The following FGFR4 variants were observed in gnomAD, a reference collection of about 807,000 sequenced individuals.
The protein encoded by FGFR4 is fibroblast growth factor receptor 4.
A neutral mutation model predicts 89.9 loss-of-function variants in FGFR4; 63 were observed. The ratio of observed to expected loss-of-function variants is 0.70; its 90% confidence interval spans 0.57 to 0.86. The LOEUF (loss-of-function observed/expected upper bound fraction) is 0.86, where lower values mean the gene tolerates loss of function less well. Among genes scored for constraint, FGFR4 ranks in the 40% least tolerant of loss-of-function variants. The pLI is 0.00. For missense variants in FGFR4, 928 were observed against 1,106.7 expected, an observed-to-expected ratio of 0.84 and a Z score of 2.29; for synonymous variants, 486 against 479.4, an observed-to-expected ratio of 1.01 and a Z score of -0.18.
chr5:177,091,000 A>G lies in FGFR4; in HGVS notation c.499A>G (p.Thr167Ala), dbSNP rs2149731923. The change falls in exon 5 of 18, where the codon ACC (threonine) becomes GCC (alanine). Residue 167 changes from threonine to alanine, a missense_variant. Transcript: ENST00000292408. The stretch of plus-strand genomic sequence containing the variant: ...ACTGCATGCAGTACCTGCGGGGAAC[A>G]CCGTCAAGTTCCGCTGTCCAGCTGC... The part of the protein sequence containing the change: ...KKLHAVPAGN[T>A]VKFRCPAAGN... 1 of 1,613,884 alleles carries G rather than the reference A, an allele frequency of 6.2e-7. No homozygotes were observed. The highest frequency in any genetic ancestry group is 8.5e-7 in the Non-Finnish European group (1 of 1,179,782).
chr5:177,097,754 C>T lies in FGFR4; in HGVS notation c.*78C>T, dbSNP rs567282518. Reference sequence around the variant, plus strand: ...CTCAGCCACAGCCTGACACAGTGCTCGACCTTGATAGCATGGGGCCCCTGG... The same window carrying T: ...CTCAGCCACAGCCTGACACAGTGCTTGACCTTGATAGCATGGGGCCCCTGG... On this transcript the variant is annotated 3_prime_UTR_variant, in exon 18 of 18. Coordinates refer to ENST00000292408, the MANE Select transcript of FGFR4 (RefSeq NM_213647.3). The T allele has an allele frequency of 3.0e-4, 455 of 1,533,496 alleles. 5 individuals are homozygous for T. The South Asian group carries it at 4.4e-3, about 15-fold the overall frequency. 95.0% of individuals were successfully genotyped at this position (1,533,496 alleles called of 1,614,324 possible). A position where few individuals can be genotyped will look rare whatever the true frequency, so the allele number is the denominator to read the frequency against.
intron 2 of FGFR4, 102 bp from the exon 3 acceptor site, chr5:177,090,288 T>C: frequency 6.4e-7 from 1 of 1,553,202 alleles, no homozygotes; most frequent in Non-Finnish European, 8.8e-7. Context: ...CAGCATGCGT[T>C]GCAAAGTGCT....
In FGFR4 at chr5:177,097,937, T is replaced by A. The variant is rs1171467446; in HGVS notation, c.*261T>A. 2.4e-6 allele frequency: 1 copy of A among 412,694 alleles called. No individual in the cohort carries two copies. The highest frequency in any genetic ancestry group is 3.6e-5 in the East Asian group (1 of 27,496). 25.6% of individuals were successfully genotyped at this position (412,694 alleles called of 1,614,324 possible). ...TGGCTGAGCCTGGCTGGAGAGCTGC[T>A]ATGCTAAACCTCCTGCCTCCCAATA... On this transcript the variant is annotated 3_prime_UTR_variant, in exon 18 of 18. Transcript: ENST00000292408.
chr5:177,089,489 A>G (rs1784273003), intron 1 of FGFR4, 61 bp from the exon 2 acceptor site: 1 of 1,461,854 alleles, frequency 6.8e-7, no homozygotes, highest in Non-Finnish European at 9.1e-7. Flanking sequence ...TCTGCAAAAT[A>G]AGGGAAAAGC....
rs764256744 is a variant in FGFR4 at position 177,092,312 on chromosome 5, G to C, written c.728-9G>C. 1.6e-5 allele frequency: 25 copies of C among 1,550,486 alleles called. No homozygotes were observed. The highest frequency in any genetic ancestry group is 2.1e-5 in the Non-Finnish European group (24 of 1,144,206). On this transcript the variant is annotated splice_polypyrimidine_tract_variant and intron_variant, in intron 6 of 17. Transcript: ENST00000292408. ...GTGGTCAGGGTTGACTGTCTCGCCC[G>C]GTCCCCAGAGCGGTCCCCGCACCGG...
chr5:177,095,307 C>T lies in FGFR4; in HGVS notation c.1520-23C>T. 1 of 1,594,100 alleles carries T rather than the reference C, an allele frequency of 6.3e-7. No homozygotes were observed. Among genetic ancestry groups the T allele is most frequent in the Non-Finnish European group, 8.6e-7 (1 of 1,161,912 alleles). ...TCGTGCAGTTGGAGGGCAGCCTCTT[C>T]ACCCCGTCTGCTGCCCTTACAGACA... is the stretch of plus-strand genomic sequence containing the variant. On this transcript the variant is annotated intron_variant, in intron 11 of 17. Coordinates refer to ENST00000292408, the MANE Select transcript of FGFR4 (RefSeq NM_213647.3). This position sits in a 1 kb window ranked among gnomAD's most constrained non-coding sequence, Gnocchi z 5.7.
At chr5:177,096,487 C>T in intron 15 of FGFR4, 117 bp from the exon 16 acceptor site, 1 of 1,530,262 alleles carries the variant, frequency 6.5e-7, no homozygotes. Flanking sequence ...TGGGCCCAGA[C>T]TCCAGGAGGA....
intron 5 of FGFR4, 116 bp downstream of exon 5, chr5:177,091,220 C>T: frequency 7.6e-7 from 1 of 1,313,312 alleles, no homozygotes; most frequent in Non-Finnish European, 1.0e-6. Flanking sequence ...TTGCGGGGCC[C>T]CGGAAGGAGC....
At position 177,091,057 on chromosome 5, in the gene FGFR4, A is replaced by G; in HGVS notation, c.556A>G (p.Lys186Glu). 6.2e-7 allele frequency: 1 copy of G among 1,602,614 alleles called. No individual in the cohort carries two copies. Among genetic ancestry groups the G allele is most frequent in the East Asian group, 2.2e-5 (1 of 44,464 alleles). The change falls in exon 5 of 18, where the codon AAG becomes GAG. Residue 186 changes from lysine (K) to glutamate (E), a missense_variant. This residue lies in a region of FGFR4 where 741 missense variants were observed against 836.9 expected (regional missense o/e 0.89). Transcript: ENST00000292408. ...CCCCACGCCCACCATCCGCTGGCTT[A>G]AGGATGGACAGGCCTTTCATGGGGA... The part of the protein sequence containing the change: ...GNPTPTIRWL[K>E]DGQAFHGENR...
Position 177,093,261 on chromosome 5 carries a change from C to T in FGFR4, c.1181C>T (p.Ala394Val), listed in dbSNP as rs746496176. 4.3e-6 allele frequency: 7 copies of T among 1,612,734 alleles called. No individual in the cohort carries two copies. Among genetic ancestry groups the T allele is most frequent in the East Asian group, 4.5e-5 (2 of 44,854 alleles). The change falls in exon 9 of 18, where the codon GCG (alanine) becomes GTG (valine). Residue 394 changes from alanine to valine, a missense_variant. Ala to Val is a moderately conservative substitution (Grantham distance 64, BLOSUM62 0). This residue lies in a region of FGFR4 where 741 missense variants were observed against 836.9 expected (regional missense o/e 0.89). Transcript: ENST00000292408. This position sits in a 1 kb window ranked among gnomAD's most constrained non-coding sequence, Gnocchi z 5.8. Reference sequence around the variant, plus strand: ...CTGGCCGGGCTGTATCGAGGGCAGGCGCTCCACGGCCGGCACCCCCGCCCG... The same window carrying T: ...CTGGCCGGGCTGTATCGAGGGCAGGTGCTCCACGGCCGGCACCCCCGCCCG... Reference protein sequence around the residue: ...LLLAGLYRGQALHGRHPRPPA... With the variant: ...LLLAGLYRGQVLHGRHPRPPA...
rs556361041 is a variant in FGFR4, at chr5:177,092,236, G to A, written c.728-85G>A. On this transcript the variant is annotated intron_variant, in intron 6 of 17. Transcript: ENST00000292408. ...GAAGCTGCAGAAAGGTCCCTCCCTT[G>A]AACTTGAGGAAGGCTGGAGGGAGGC... is the stretch of plus-strand genomic sequence containing the variant. 133 of 1,379,746 alleles carry A rather than the reference G, an allele frequency of 9.6e-5. 1 individual carries two copies. The South Asian group carries it at 1.9e-3, about 19-fold the overall frequency. 85.5% of individuals were successfully genotyped at this position (1,379,746 alleles called of 1,614,324 possible).
intron 1 of FGFR4, among the ~76,000 whole-genome samples, chr5:177,088,001 G>A (rs1005334273): frequency 1.8e-4 from 27 of 152,264 alleles, no homozygotes; most frequent in African/African-American, 6.5e-4. Flanking sequence ...TGGGGGGCAT[G>A]ACATGGCAGA....
rs145751771 is a variant in FGFR4, at chr5:177,093,454, C to G, written c.1300C>G (p.Arg434Gly). 1.6e-4 allele frequency: 254 copies of G among 1,613,968 alleles called. No homozygotes were observed. The highest frequency in any genetic ancestry group is 2.0e-4 in the Non-Finnish European group (236 of 1,180,016). The change falls in exon 10 of 18, where the codon CGA becomes GGA. Residue 434 changes from arginine (R) to glycine (G), a missense_variant. By Grantham distance (125) the Arg-to-Gly change is moderately radical. Coordinates refer to ENST00000292408, the MANE Select transcript of FGFR4 (RefSeq NM_213647.3). This position sits in a 1 kb window ranked among gnomAD's most constrained non-coding sequence, Gnocchi z 5.8. ...SSGKSSSSLVRGVRLSSSGPA... is the reference protein window; with the variant it reads ...SSGKSSSSLVGGVRLSSSGPA... ...CGGCAAGTCAAGCTCATCCCTGGTA[C>G]GAGGCGTGCGTCTCTCCTCCAGCGG...
chr5:177,091,896 T>C, intron 6 of FGFR4, 88 bp downstream of exon 6: 3 of 1,541,402 alleles, frequency 1.9e-6, no homozygotes, highest in South Asian at 2.4e-5. Context: ...GCAGGCAGGA[T>C]GGACTCAGAT....
At chr5:177,094,606 G>A (rs1332045923) in intron 11 of FGFR4, among the ~76,000 whole-genome samples, 2 of 151,748 alleles carry the variant, frequency 1.3e-5, no homozygotes, top group Non-Finnish European at 2.9e-5. Context: ...GCCCCGGGGT[G>A]CTCTTGCTGG....
chr5:177,096,045 C>T lies in FGFR4; in HGVS notation c.1822-12C>T, dbSNP rs200449539. ...AGGTGTCCTGAGGCACCCAAGCCCC[C>T]GCTCCCTGCAGTGTATCCACCGGGA... On this transcript the variant is annotated splice_polypyrimidine_tract_variant and intron_variant, in intron 13 of 17. Transcript: ENST00000292408. 104 of 1,611,582 alleles carry T rather than the reference C, an allele frequency of 6.5e-5. 1 individual carries two copies. Among genetic ancestry groups the T allele is most frequent in the East Asian group, 3.3e-4 (15 of 44,856 alleles).
At chr5:177,096,553 C>G (rs777555449) in intron 15 of FGFR4, 51 bp from the exon 16 acceptor site, 2 of 1,604,662 alleles carry the variant, frequency 1.2e-6, no homozygotes, top group East Asian at 4.5e-5. Flanking sequence ...CGTCCTAGCC[C>G]CGGTCGTCGG....
rs1431085270 is a variant in FGFR4, at chr5:177,095,807, C to G, written c.1821+84C>G. 7.2e-7 allele frequency: 1 copy of G among 1,384,404 alleles called. No individual in the cohort carries two copies. The highest frequency in any genetic ancestry group is 9.6e-7 in the Non-Finnish European group (1 of 1,036,312). The allele number at this position is 1,384,404 out of a possible 1,614,324, so 85.8% of individuals were successfully genotyped here. ...TGGCATTCAATGTCCCGACTTCTCC[C>G]TCTCTGCTCTTTTTCATGACCCCAC... is the stretch of plus-strand genomic sequence containing the variant. On this transcript the variant is annotated intron_variant, in intron 13 of 17. Transcript: ENST00000292408. This position sits in a 1 kb window ranked among gnomAD's most constrained non-coding sequence, Gnocchi z 5.7.
Position 177,097,403 on chromosome 5 carries a change from G to T in FGFR4, c.2259+6G>T. Reference sequence around the variant, plus strand: ...TGCTGGCCGTCTCTGAGGAGGTACAGCCCCTCCCACCCACCACCTCCCTCT... The same window carrying T: ...TGCTGGCCGTCTCTGAGGAGGTACATCCCCTCCCACCCACCACCTCCCTCT... On this transcript the variant is annotated splice_donor_region_variant and intron_variant, in intron 17 of 17. Coordinates refer to ENST00000292408, the MANE Select transcript of FGFR4 (RefSeq NM_213647.3). The T allele has an allele frequency of 6.2e-7, 1 of 1,610,062 alleles. No individual in the cohort carries two copies. Among genetic ancestry groups the T allele is most frequent in the Non-Finnish European group, 8.5e-7 (1 of 1,178,022 alleles).
Sources: gnomAD v4.1 joint callset for allele counts (sites outside exome capture counted in the v4.1 genomes callset) on GRCh38, gnomAD v4.1.1 for gene constraint, gnomAD v4.1.1 regional missense constraint, Gnocchi (gnomAD v3.1) non-coding constraint, MANE v1.5 for transcripts, NCBI Gene and HGNC (gene_info 2026-07-23, HGNC 2026-07-21) for gene names.